Variants in AGBL4 observed in about 807,000 individuals in gnomAD.
The protein encoded by AGBL4 is cytosolic carboxypeptidase 6.
In AGBL4, 58 loss-of-function variants were observed where a neutral mutation model predicts 66.4. The ratio of observed to expected loss-of-function variants is 0.87; its 90% CI spans 0.71 to 1.09. The LOEUF (loss-of-function observed/expected upper bound fraction) is 1.09. Ranked by LOEUF, AGBL4 falls within the 50% of genes least tolerant of loss-of-function variation. The pLI, the probability that AGBL4 is intolerant of heterozygous loss-of-function variation, is 0.00. For synonymous variants in AGBL4, 234 were observed against 222.9 expected (o/e 1.05, Z -0.44); for missense variants, 579 against 631.0 (o/e 0.92, Z 0.88).
rs146769913 is a variant in AGBL4 at position 49,602,821 on chromosome 1, CAATAAATAAATAAATA to C, written c.282+94476_282+94491del. On this transcript the variant is annotated intron_variant, in intron 3 of 13. Transcript: ENST00000371839. ...CACATATATCCCAGAACTTAAAGTA[CAATAAATAAATAAATA>C]AATAAATAAATAAATAAATAAATAA... Among the ~76,000 whole-genome samples, 148 of 144,128 alleles carry C rather than the reference CAATAAATAAATAAATA, an allele frequency of 1.0e-3. 3 individuals are homozygous for C. In the South Asian group the frequency reaches 0.023, roughly 22 times the overall value. The allele number at this position is 144,128 out of a possible 152,430, so 94.6% of individuals were successfully genotyped here.
chr1:49,612,175 CTTTAA>C (rs1482938185), intron 3 of AGBL4, among the ~76,000 whole-genome samples: 3 of 152,092 alleles, frequency 2.0e-5, no homozygotes, highest in Non-Finnish European at 4.4e-5. Flanking sequence ...TGACCTAATC[CTTTAA>C]TTTAACACTT....
intron 5 of AGBL4, among the ~76,000 whole-genome samples, chr1:48,958,397 TAAG>T (rs1657671283): frequency 6.6e-6 from 1 of 152,220 alleles, no homozygotes; most frequent in Non-Finnish European, 1.5e-5. Flanking sequence ...AGTATCTGCT[TAAG>T]AAGGGACTAC....
At chr1:49,702,013 A>G (rs1188605070) in intron 2 of AGBL4, among the ~76,000 whole-genome samples, 1 of 152,136 alleles carries the variant, frequency 6.6e-6, no homozygotes, top group Non-Finnish European at 1.5e-5. Context: ...AACATTAAAT[A>G]GATAGATAAA....
chr1:49,757,778 A>G (rs1651999771), intron 2 of AGBL4, among the ~76,000 whole-genome samples: 1 of 152,206 alleles, frequency 6.6e-6, no homozygotes, highest in African/African-American at 2.4e-5. Context: ...CAAAGTATTC[A>G]AGAGGAAGAA....
intron 3 of AGBL4, among the ~76,000 whole-genome samples, chr1:49,259,332 A>C (rs1652871926): frequency 6.6e-6 from 1 of 152,160 alleles, no homozygotes; most frequent in African/African-American, 2.4e-5. Flanking sequence ...TAAATGGACT[A>C]AATGCTCCAA....
At chr1:49,649,774 T>C (rs1440554118) in intron 3 of AGBL4, among the ~76,000 whole-genome samples, 1 of 152,054 alleles carries the variant, frequency 6.6e-6, no homozygotes, top group Non-Finnish European at 1.5e-5. Flanking sequence ...TTTAAAAGAA[T>C]GGAATTCATA....
chr1:49,358,736 T>G (rs1222200839), intron 3 of AGBL4, among the ~76,000 whole-genome samples: 1 of 152,198 alleles, frequency 6.6e-6, no homozygotes, highest in Non-Finnish European at 1.5e-5. Flanking sequence ...AATTGGAAAC[T>G]TCAGTGTCTG....
intron 2 of AGBL4, among the ~76,000 whole-genome samples, chr1:49,714,475 C>T (rs1647922272): frequency 6.6e-6 from 1 of 151,500 alleles, no homozygotes; most frequent in Non-Finnish European, 1.5e-5. Context: ...CTTTATGTTT[C>T]TGAGTTATTT....
intron 2 of AGBL4, among the ~76,000 whole-genome samples, chr1:49,699,089 T>A (rs767740637): frequency 1.6e-4 from 25 of 152,098 alleles, no homozygotes; most frequent in Non-Finnish European, 3.4e-4. Flanking sequence ...TGTTTTTCTT[T>A]CAGAATCTAC....
intron 1 of AGBL4, among the ~76,000 whole-genome samples, chr1:49,893,414 G>C (rs541879032): frequency 6.6e-6 from 1 of 152,236 alleles, no homozygotes; most frequent in East Asian, 1.9e-4. Context: ...CACAAAGTAG[G>C]CTCTTGAGGG....
In AGBL4 at chr1:48,674,331, A is replaced by C. The variant is rs182566778; in HGVS notation, c.635-11090T>G. On this transcript the variant is annotated intron_variant, in intron 6 of 13. Coordinates refer to ENST00000371839, the MANE Select transcript of AGBL4 (RefSeq NM_032785.4). The stretch of plus-strand genomic sequence containing the variant: ...GTCTGCTGGGGAGAATGAGGACCAG[A>C]GGAATAAGACTCAAGAGGTGGCTGG... Among the ~76,000 whole-genome samples, 296 of 152,338 alleles carry C rather than the reference A, an allele frequency of 1.9e-3. 2 individuals carry two copies. The highest frequency in any genetic ancestry group is 7.0e-3 in the South Asian group (34 of 4,826).
In AGBL4 at chr1:49,703,488, G is replaced by T. The variant is rs369104780; in HGVS notation, c.158-6051C>A. ...CCTTAAGATTATTTCAGTAGATGCT[G>T]AAAAAACATTTGACAAATTCCACAC... On this transcript the variant is annotated intron_variant, in intron 2 of 13. Coordinates refer to ENST00000371839, the MANE Select transcript of AGBL4 (RefSeq NM_032785.4). Among the ~76,000 whole-genome samples, 50 of 150,056 alleles carry T rather than the reference G, an allele frequency of 3.3e-4. 1 individual carries two copies. The South Asian group carries it at 9.7e-3, about 29-fold the overall frequency.
At chr1:49,442,046 C>G (rs559546862) in intron 3 of AGBL4, among the ~76,000 whole-genome samples, 3 of 152,306 alleles carry the variant, frequency 2.0e-5, no homozygotes, top group Admixed American at 1.3e-4. Context: ...GATCAGCCAG[C>G]TACCTGGTAG....
chr1:48,977,148 G>A (rs1048058185), intron 5 of AGBL4, among the ~76,000 whole-genome samples: 2 of 152,092 alleles, frequency 1.3e-5, no homozygotes, highest in African/African-American at 4.8e-5. Context: ...AACAATGCAT[G>A]AATACCGAGT....
At chr1:49,870,861 G>A (rs541012166) in intron 1 of AGBL4, among the ~76,000 whole-genome samples, 19 of 152,192 alleles carry the variant, frequency 1.2e-4, no homozygotes, top group African/African-American at 4.3e-4. Context: ...ATGAGCATGT[G>A]GAGAAATTGA....
At chr1:49,637,454 C>T (rs1271231077) in intron 3 of AGBL4, among the ~76,000 whole-genome samples, 1 of 151,900 alleles carries the variant, frequency 6.6e-6, no homozygotes, top group Non-Finnish European at 1.5e-5. Context: ...GAGCCTGCCA[C>T]CACGCCCAGC....
intron 3 of AGBL4, among the ~76,000 whole-genome samples, chr1:49,412,040 A>G (rs575438877): frequency 6.6e-6 from 1 of 152,320 alleles, no homozygotes; most frequent in East Asian, 1.9e-4. Context: ...TCACTCATGT[A>G]TTCATTCAAA....
chr1:48,585,792 A>C (rs1644808959), intron 11 of AGBL4: 1 of 152,224 alleles, frequency 6.6e-6, no homozygotes, highest in South Asian at 2.1e-4. Flanking sequence ...GTACCTGGAC[A>C]CCATACCCCC....
intron 1 of AGBL4, among the ~76,000 whole-genome samples, chr1:49,858,146 G>A (rs1646479475): frequency 6.6e-6 from 1 of 151,876 alleles, no homozygotes; most frequent in South Asian, 2.1e-4. Context: ...TCAAGGAAAG[G>A]CACACCAAAC....
Sources: gnomAD v4.1 joint callset for allele counts (sites outside exome capture counted in the v4.1 genomes callset) on GRCh38, gnomAD v4.1.1 for gene constraint, MANE v1.5 for transcripts, NCBI Gene and HGNC (gene_info 2026-07-23, HGNC 2026-07-21) for gene names.